CACNA2D1: variants seen among roughly 807,000 people sequenced by gnomAD.
The protein encoded by CACNA2D1 is calcium voltage-gated channel auxiliary subunit alpha2delta 1, also known as voltage-dependent calcium channel subunit alpha-2/delta-1.
A neutral mutation model predicts 171.5 loss-of-function variants in CACNA2D1; 53 were observed. That is an observed-to-expected ratio of 0.31 (90% CI 0.25 to 0.39). The LOEUF (loss-of-function observed/expected upper bound fraction) is 0.39, where lower values mean the gene tolerates loss of function less well. Among genes scored for constraint, CACNA2D1 ranks in the 10% least tolerant of loss-of-function variants. The probability of loss-of-function intolerance (pLI) is 1.00; values close to 1 mark genes in which losing one functional copy is unlikely to be tolerated. For synonymous variants in CACNA2D1, 442 were observed against 443.1 expected (o/e 1.00, Z 0.03); for missense variants, 903 against 1,299.8 (o/e 0.69, Z 4.69).
At chr7:81,976,546 C>T (rs1282207593) in intron 24 of CACNA2D1, among the ~76,000 whole-genome samples, 1 of 152,120 alleles carries the variant, frequency 6.6e-6, no homozygotes, top group Non-Finnish European at 1.5e-5. Flanking sequence ...GGCTGTTTGT[C>T]TATTATTGGT....
chr7:82,023,667 ACTACCATCCTATGGTGAGAT>A (rs1227116843), intron 12 of CACNA2D1, among the ~76,000 whole-genome samples: 1 of 151,618 alleles, frequency 6.6e-6, no homozygotes, highest in Admixed American at 6.6e-5. Flanking sequence ...TATGGTAAGA[ACTACCATCCTATGGTGAGAT>A]CTACCATCCT....
At chr7:82,089,872 A>T (rs1245542897) in intron 6 of CACNA2D1, among the ~76,000 whole-genome samples, 2 of 152,126 alleles carry the variant, frequency 1.3e-5, no homozygotes, top group Non-Finnish European at 2.9e-5. Flanking sequence ...TTAAGTTTGA[A>T]TACATTTTCT....
Position 82,099,419 on chromosome 7 carries a change from CTTCTTTTTTTTTTTTTTTTTTTTTTT to C in CACNA2D1, c.527-14545_527-14520del, listed in dbSNP as rs1351160857. Among the ~76,000 whole-genome samples the C allele has an allele frequency of 1.6e-3, 82 of 50,532 alleles. 13 individuals carry two copies. Among genetic ancestry groups the C allele is most frequent in the Non-Finnish European group, 8.9e-5 (2 of 22,516 alleles). The allele number at this position is 50,532 out of a possible 152,430, so 33.2% of individuals were successfully genotyped here. On this transcript the variant is annotated intron_variant, in intron 6 of 38. Coordinates refer to ENST00000356860, the MANE Select transcript of CACNA2D1 (RefSeq NM_000722.4). ...CATACTCTAAAACAGGTAGCAATAC[CTTCTTTTTTTTTTTTTTTTTTTTTTT>C]TTTTTTTTTTTTTTTTTTTTTTGAG...
intron 3 of CACNA2D1, among the ~76,000 whole-genome samples, chr7:82,276,257 G>A (rs1440134342): frequency 2.0e-5 from 3 of 152,160 alleles, no homozygotes; most frequent in African/African-American, 7.2e-5. Context: ...TATAAACTAT[G>A]TTGAAAGTCA....
intron 1 of CACNA2D1, among the ~76,000 whole-genome samples, chr7:82,408,614 A>C (rs1039141693): frequency 2.6e-5 from 4 of 152,180 alleles, no homozygotes; most frequent in Non-Finnish European, 5.9e-5. Context: ...GATACTGTTG[A>C]GATAACTTTC....
Position 82,084,905 on chromosome 7 carries a change from C to T in CACNA2D1, c.527-5G>A. The T allele has an allele frequency of 8.1e-6, 13 of 1,607,476 alleles. No individual in the cohort carries two copies. Among genetic ancestry groups the T allele is most frequent in the South Asian group, 1.1e-5 (1 of 90,436 alleles). On this transcript the variant is annotated splice_polypyrimidine_tract_variant and splice_region_variant and intron_variant, in intron 6 of 38. Transcript: ENST00000356860. Reference sequence around the variant, plus strand: ...GTTCATTTAACACAATTGTTGCTAACAAAAAAGAGAGAAACCATTAATTAA... The same window carrying T: ...GTTCATTTAACACAATTGTTGCTAATAAAAAAGAGAGAAACCATTAATTAA...
intron 6 of CACNA2D1, among the ~76,000 whole-genome samples, chr7:82,091,432 A>G (rs764702521): frequency 6.6e-6 from 1 of 152,188 alleles, no homozygotes; most frequent in African/African-American, 2.4e-5. Context: ...GCCCCCTATC[A>G]CTTTAGTTTC....
chr7:82,273,619 C>A (rs1585296644), intron 3 of CACNA2D1, among the ~76,000 whole-genome samples: 3 of 152,230 alleles, frequency 2.0e-5, no homozygotes, highest in African/African-American at 7.2e-5. Flanking sequence ...ACCCAAGTAG[C>A]TTTGACCACA....
rs1356793318 is a variant in CACNA2D1 at position 82,208,377 on chromosome 7, A to G, written c.295-37768T>C. Among the ~76,000 whole-genome samples the G allele has an allele frequency of 2.0e-5, 3 of 152,286 alleles. No individual in the cohort carries two copies. The East Asian group carries it at 5.8e-4, about 29-fold the overall frequency. ...AAAGCTATAGAATTTACATTAAAAA[A>G]TATTCAGGCTGATTGTTCAATTTAC... On this transcript the variant is annotated intron_variant, in intron 3 of 38. Transcript: ENST00000356860.
chr7:82,025,987 T>C (rs1003819765), intron 12 of CACNA2D1, among the ~76,000 whole-genome samples: 1 of 151,668 alleles, frequency 6.6e-6, no homozygotes, highest in Non-Finnish European at 1.5e-5. Flanking sequence ...TACATCTTTG[T>C]TATATATTAT....
At chr7:82,263,286 T>C (rs981492670) in intron 3 of CACNA2D1, among the ~76,000 whole-genome samples, 4 of 151,738 alleles carry the variant, frequency 2.6e-5, no homozygotes, top group African/African-American at 4.8e-5. Context: ...TTTTTTTGTA[T>C]TTTTAGTAGA....
intron 3 of CACNA2D1, among the ~76,000 whole-genome samples, chr7:82,264,241 C>A (rs983505507): frequency 1.3e-5 from 2 of 152,068 alleles, no homozygotes; most frequent in Non-Finnish European, 2.9e-5. Flanking sequence ...CTAGTCTTAT[C>A]TTTATATATC....
chr7:81,972,189 T>A (rs1347292635), intron 25 of CACNA2D1, among the ~76,000 whole-genome samples: 1 of 151,568 alleles, frequency 6.6e-6, no homozygotes, highest in African/African-American at 2.4e-5. Context: ...TATGGTAGCA[T>A]GGCGATTCCC....
intron 4 of CACNA2D1, among the ~76,000 whole-genome samples, chr7:82,142,821 TAA>T (rs1157849896): frequency 5.9e-5 from 9 of 152,174 alleles, no homozygotes; most frequent in Admixed American, 3.9e-4. Context: ...TCATTAAAAA[TAA>T]GTTATGTTAA....
upstream of CACNA2D1, chr7:82,443,794 T>A: frequency 1.1e-6 from 1 of 930,964 alleles, no homozygotes; most frequent in East Asian, 3.5e-5. Flanking sequence ...CTCGGTTTCC[T>A]CCCTGATTTA....
chr7:82,153,871 A>C (rs1017438742), intron 4 of CACNA2D1, among the ~76,000 whole-genome samples: 1 of 152,078 alleles, frequency 6.6e-6, no homozygotes, highest in Admixed American at 6.6e-5. Flanking sequence ...ATTGAACAGC[A>C]CAGTTAAAAA....
chr7:82,186,143 C>T (rs923104182), intron 3 of CACNA2D1, among the ~76,000 whole-genome samples: 12 of 134,364 alleles, frequency 8.9e-5, no homozygotes, highest in African/African-American at 2.5e-4. Context: ...GTGACAAGAG[C>T]GAAACTCTGT....
chr7:82,085,029 T>C, intron 6 of CACNA2D1, 129 bp from the exon 7 acceptor site: 1 of 853,694 alleles, frequency 1.2e-6, no homozygotes, highest in Non-Finnish European at 1.9e-6. Context: ...AATCCAGTAG[T>C]TATCAACAAG....
At chr7:82,187,423 T>A (rs1267520286) in intron 3 of CACNA2D1, among the ~76,000 whole-genome samples, 2 of 152,068 alleles carry the variant, frequency 1.3e-5, no homozygotes, top group Non-Finnish European at 2.9e-5. Flanking sequence ...ACCAAAAAGT[T>A]AACAACAGAA....
Sources: allele counts gnomAD v4.1 joint callset (sites outside exome capture counted in the v4.1 genomes callset), GRCh38; gene constraint gnomAD v4.1.1; transcripts MANE v1.5; gene names NCBI Gene and HGNC (gene_info 2026-07-23, HGNC 2026-07-21).